Variants in TMEM132D observed in about 807,000 individuals in gnomAD.
TMEM132D encodes the protein transmembrane protein 132D.
A neutral mutation model predicts 62.3 loss-of-function variants in TMEM132D; 21 were observed. The ratio of observed to expected loss-of-function variants is 0.34; its 90% CI spans 0.24 to 0.49. The LOEUF is 0.49. TMEM132D is among the 20% of genes least tolerant of loss of function. TMEM132D has a pLI of 0.99. For missense variants in TMEM132D, 1,346 were observed against 1,402.8 expected (o/e 0.96, Z 0.65); for synonymous variants, 621 against 575.6 (o/e 1.08, Z -1.13).
At chr12:129,851,046 A>G (rs1188256798) in intron 1 of TMEM132D, among the ~76,000 whole-genome samples, 1 of 152,220 alleles carries the variant, frequency 6.6e-6, no homozygotes, top group African/African-American at 2.4e-5. Flanking sequence ...ATTTACTTCA[A>G]AAAGGGAACG....
chr12:129,562,337 T>C (rs1462717365), intron 2 of TMEM132D, among the ~76,000 whole-genome samples: 1 of 152,204 alleles, frequency 6.6e-6, no homozygotes, highest in Non-Finnish European at 1.5e-5. Context: ...GACCAGAGTG[T>C]TGCTGCAGAC....
chr12:129,446,089 T>C (rs575966095), intron 3 of TMEM132D, among the ~76,000 whole-genome samples: 37 of 152,250 alleles, frequency 2.4e-4, no homozygotes, highest in African/African-American at 8.2e-4. Flanking sequence ...TGAGGGCAAG[T>C]GCAAAAGACG....
intron 5 of TMEM132D, among the ~76,000 whole-genome samples, chr12:129,087,877 G>A (rs1874676753): frequency 7.4e-6 from 1 of 134,638 alleles, no homozygotes; most frequent in African/African-American, 3.1e-5. Context: ...ATGACCGGGT[G>A]TCCTCCCTGA....
intron 1 of TMEM132D, among the ~76,000 whole-genome samples, chr12:129,861,272 C>T (rs1873888206): frequency 6.6e-6 from 1 of 152,332 alleles, no homozygotes; most frequent in East Asian, 1.9e-4. Flanking sequence ...CCAACCCCCA[C>T]CTTACCTTTA....
intron 2 of TMEM132D, among the ~76,000 whole-genome samples, chr12:129,687,452 T>C (rs1292788604): frequency 1.3e-5 from 2 of 151,638 alleles, no homozygotes; most frequent in Non-Finnish European, 2.9e-5. Context: ...TGAGGAGGGG[T>C]AGTAGTTGTC....
At chr12:129,455,885 T>C (rs573143682) in intron 3 of TMEM132D, among the ~76,000 whole-genome samples, 7 of 152,310 alleles carry the variant, frequency 4.6e-5, no homozygotes, top group African/African-American at 1.7e-4. Flanking sequence ...GGTTATACAC[T>C]GACTCCATTT....
At chr12:129,642,666 G>A (rs748742599) in intron 2 of TMEM132D, among the ~76,000 whole-genome samples, 1 of 152,114 alleles carries the variant, frequency 6.6e-6, no homozygotes, top group East Asian at 1.9e-4. Flanking sequence ...GGACAAGAAC[G>A]GTATTTTCCA....
At chr12:129,147,936 G>A (rs1593276727) in intron 5 of TMEM132D, among the ~76,000 whole-genome samples, 1 of 152,140 alleles carries the variant, frequency 6.6e-6, no homozygotes, top group South Asian at 2.1e-4. Context: ...TTCAAAATCA[G>A]GACATTCCAT....
intron 5 of TMEM132D, among the ~76,000 whole-genome samples, chr12:129,121,028 A>G (rs1876041982): frequency 6.6e-6 from 1 of 152,106 alleles, no homozygotes. Context: ...TACATGGCCA[A>G]GGAGAAGTAA....
intron 1 of TMEM132D, among the ~76,000 whole-genome samples, chr12:129,861,110 G>C (rs571784725): frequency 2.0e-5 from 3 of 152,256 alleles, no homozygotes; most frequent in African/African-American, 7.2e-5. Flanking sequence ...CTTTTTTATA[G>C]AATTATACTT....
chr12:129,897,508 G>C (rs947697401), intron 1 of TMEM132D, among the ~76,000 whole-genome samples: 6 of 152,016 alleles, frequency 3.9e-5, no homozygotes, highest in Non-Finnish European at 5.9e-5. Context: ...CAGTCCACTG[G>C]GCATGTCTGC....
At chr12:129,460,783 T>G (rs529132333) in intron 3 of TMEM132D, among the ~76,000 whole-genome samples, 10 of 152,308 alleles carry the variant, frequency 6.6e-5, no homozygotes, top group Admixed American at 3.9e-4. Context: ...TTAGTCCTTA[T>G]GCAATTCAGT....
chr12:129,143,179 T>C (rs1565977214), intron 5 of TMEM132D, among the ~76,000 whole-genome samples: 1 of 152,134 alleles, frequency 6.6e-6, no homozygotes, highest in Non-Finnish European at 1.5e-5. Context: ...GAACTTCTGA[T>C]TGACTGGCTT....
chr12:129,389,744 G>A (rs58898403), intron 3 of TMEM132D, among the ~76,000 whole-genome samples: 13,934 of 152,236 alleles, frequency 0.092, 839 homozygotes, highest in African/African-American at 0.17. Context: ...TCTAGGGCTA[G>A]CTGAGTATTT....
chr12:129,538,522 A>T (rs953706600), intron 2 of TMEM132D, among the ~76,000 whole-genome samples: 2 of 152,208 alleles, frequency 1.3e-5, no homozygotes, highest in African/African-American at 2.4e-5. Context: ...GATGTATGAA[A>T]CCATGGATAG....
intron 1 of TMEM132D, among the ~76,000 whole-genome samples, chr12:129,786,928 A>C (rs1871262341): frequency 6.6e-6 from 1 of 152,112 alleles, no homozygotes; most frequent in African/African-American, 2.4e-5. Flanking sequence ...GGTGATACAA[A>C]GAAAGCATGA....
intron 5 of TMEM132D, among the ~76,000 whole-genome samples, chr12:129,100,870 G>A (rs1199395083): frequency 6.6e-6 from 1 of 152,218 alleles, no homozygotes; most frequent in Non-Finnish European, 1.5e-5. Flanking sequence ...CAAATGGTCA[G>A]GGTCAAATCC....
At chr12:129,228,823 C>G (rs1879554720) in intron 4 of TMEM132D, among the ~76,000 whole-genome samples, 1 of 152,208 alleles carries the variant, frequency 6.6e-6, no homozygotes, top group African/African-American at 2.4e-5. Flanking sequence ...GCATCCCGCC[C>G]ATGGAAATGA....
chr12:129,597,275 T>C (rs901823569), intron 2 of TMEM132D, among the ~76,000 whole-genome samples: 3 of 152,180 alleles, frequency 2.0e-5, no homozygotes, highest in Non-Finnish European at 4.4e-5. Flanking sequence ...GGAGAGGTAC[T>C]TAAACAAACA....
Sources: allele counts gnomAD v4.1 joint callset (sites outside exome capture counted in the v4.1 genomes callset), GRCh38; gene constraint gnomAD v4.1.1; transcripts MANE v1.5; gene names NCBI Gene and HGNC (gene_info 2026-07-23, HGNC 2026-07-21).